The following PPRC1 variants were observed in gnomAD, a reference collection of about 807,000 sequenced individuals.
PPRC1 encodes the protein peroxisome proliferator-activated receptor gamma coactivator-related protein 1.
In PPRC1, 23 loss-of-function variants were observed where a neutral mutation model predicts 132.5. The observed-to-expected ratio is 0.17, with a 90% CI of 0.12 to 0.25. The LOEUF (loss-of-function observed/expected upper bound fraction) is 0.25, where lower values mean the gene tolerates loss of function less well. Among genes scored for constraint, PPRC1 ranks in the 10% least tolerant of loss-of-function variants. The pLI, the probability that PPRC1 is intolerant of heterozygous loss-of-function variation, is 1.00. For missense variants in PPRC1, 2,006 were observed against 2,089.1 expected, an observed-to-expected ratio of 0.96 and a Z score of 0.78; for synonymous variants, 872 against 833.5, an observed-to-expected ratio of 1.05 and a Z score of -0.80.
Position 102,141,192 on chromosome 10 carries a change from C to G in PPRC1, c.2684C>G (p.Pro895Arg). The change falls in exon 5 of 14, where the codon CCT (proline) becomes CGT (arginine). Residue 895 changes from proline to arginine, a missense_variant. Pro to Arg is a moderately radical substitution (Grantham distance 103). Coordinates refer to ENST00000278070, the MANE Select transcript of PPRC1 (RefSeq NM_015062.5). ...GGCATGCCCCCCAGTCTGCCCCCAC[C>G]TCCCTTGCAGCCTCCTAGTCTTCCA... is the stretch of plus-strand genomic sequence containing the variant. ...GLGMPPSLPP[P>R]PLQPPSLPLS... 3.1e-6 allele frequency: 5 copies of G among 1,614,098 alleles called. No individual in the cohort carries two copies. In the East Asian group the frequency reaches 1.1e-4, roughly 36 times the overall value.
Position 102,144,733 on chromosome 10 carries a change from T to C in PPRC1, c.3609-287T>C, listed in dbSNP as rs2069143380. 5 of 490,330 alleles carry C rather than the reference T, an allele frequency of 1.0e-5. No homozygotes were observed. In the South Asian group the frequency reaches 1.1e-4, roughly 11 times the overall value. The allele number at this position is 490,330 out of a possible 1,614,324, so 30.4% of individuals were successfully genotyped here. On this transcript the variant is annotated intron_variant, in intron 7 of 13. Transcript: ENST00000278070. The stretch of plus-strand genomic sequence containing the variant: ...TCTGCCAAGCATGTTCCCCTCCACA[T>C]TGATTTCAGGTTGGTGTGAGCTGGG...
Position 102,139,489 on chromosome 10 carries a change from G to A in PPRC1, c.981G>A (p.Glu327=), listed in dbSNP as rs570942937. ...ACCTCACCCACCTGGCATCACTTGA[G>A]GATGAGCTTCAGGAGCAGCCAGATG... ...LPNLTHLASL[E]DELQEQPDDL... The change falls in exon 5 of 14, where the codon GAG becomes GAA. Residue 327 remains glutamate (E), a synonymous_variant. Transcript: ENST00000278070. The A allele has an allele frequency of 1.2e-5, 20 of 1,614,092 alleles. No homozygotes were observed. Among genetic ancestry groups the A allele is most frequent in the South Asian group, 1.1e-4 (10 of 91,082 alleles).
the PPRC1 span, among the ~76,000 whole-genome samples, chr10:102,124,641 A>AT: frequency 0.24 from 28,490 of 116,992 alleles, 3,872 homozygotes; most frequent in South Asian, 0.37. Context: ...GTGCCTGGCC[A>AT]TTTTTTTTTT....
chr10:102,120,731 C>T, the PPRC1 span, among the ~76,000 whole-genome samples: 1 of 152,126 alleles, frequency 6.6e-6, no homozygotes, highest in Admixed American at 6.5e-5. Flanking sequence ...GGCTTGGAGG[C>T]GCAGCCGCGC....
intron 8 of PPRC1, 73 bp downstream of exon 8, chr10:102,145,163 A>G (rs1394730415): frequency 7.0e-7 from 1 of 1,419,844 alleles, no homozygotes; most frequent in Non-Finnish European, 9.9e-7. Flanking sequence ...CTCCAAATCC[A>G]TTGTGTGTAG....
chr10:102,121,186 G>GTTT, the PPRC1 span, among the ~76,000 whole-genome samples: 1 of 152,052 alleles, frequency 6.6e-6, no homozygotes, highest in Non-Finnish European at 1.5e-5. Context: ...ATTACGGAGG[G>GTTT]GCGATAGGAG....
At position 102,146,802 on chromosome 10, in the gene PPRC1, G is replaced by T; in HGVS notation, c.3810G>T (p.Glu1270Asp). ...EGTLKPEGVT[E>D]AKHPAAVRLQ... ...CCCTGAAGCCTGAAGGAGTTACGGA[G>T]GCCAAACATCCAGCTGCAGTTCGCC... The change falls in exon 9 of 14, where the codon GAG (glutamate) becomes GAT (aspartate). Residue 1270 changes from glutamate (E) to aspartate (D), a missense_variant. Around this residue, in one of 2 missense-constraint regions of PPRC1, gnomAD observed 1,914 missense variants for 1,917.2 expected, o/e 1.00. Coordinates refer to ENST00000278070, the MANE Select transcript of PPRC1 (RefSeq NM_015062.5). 6.2e-7 allele frequency: 1 copy of T among 1,614,082 alleles called. No homozygotes were observed. The highest frequency in any genetic ancestry group is 2.2e-5 in the East Asian group (1 of 44,858).
upstream of PPRC1, among the ~76,000 whole-genome samples, chr10:102,129,213 G>A (rs1333716599): frequency 6.6e-6 from 1 of 152,166 alleles, no homozygotes; most frequent in Non-Finnish European, 1.5e-5. Context: ...TTACAGGTGT[G>A]CACCACCATG....
chr10:102,133,494 C>T (rs2068601372), intron 1 of PPRC1, among the ~76,000 whole-genome samples: 1 of 152,068 alleles, frequency 6.6e-6, no homozygotes, highest in Non-Finnish European at 1.5e-5. Flanking sequence ...GACTTGGGGT[C>T]GAAGGCTGAG....
intron 6 of PPRC1, among the ~76,000 whole-genome samples, chr10:102,143,700 A>G (rs2069098661): frequency 6.6e-6 from 1 of 152,040 alleles, no homozygotes; most frequent in East Asian, 1.9e-4. Flanking sequence ...AAAGACAGGT[A>G]GGAATTCACA....
At chr10:102,125,448 CG>C in the PPRC1 span, among the ~76,000 whole-genome samples, 2 of 151,582 alleles carry the variant, frequency 1.3e-5, no homozygotes, top group African/African-American at 4.9e-5. Context: ...TTAGTAGAGA[CG>C]GGGTTTCACC....
chr10:102,121,242 C>G, the PPRC1 span, among the ~76,000 whole-genome samples: 1 of 152,112 alleles, frequency 6.6e-6, no homozygotes, highest in Non-Finnish European at 1.5e-5. Context: ...AAGACACTCT[C>G]TTCCCTTCCC....
At position 102,150,089 on chromosome 10, in the gene PPRC1, C is replaced by G. The variant is rs530019914; in HGVS notation, c.*60C>G. 1.7e-5 allele frequency: 22 copies of G among 1,269,998 alleles called. No individual in the cohort carries two copies. Among genetic ancestry groups the G allele is most frequent in the South Asian group, 1.3e-4 (11 of 83,710 alleles). 78.7% of individuals were successfully genotyped at this position (1,269,998 alleles called of 1,614,324 possible). A position where few individuals can be genotyped will look rare whatever the true frequency, so the allele number is the denominator to read the frequency against. On this transcript the variant is annotated 3_prime_UTR_variant, in exon 14 of 14. Coordinates refer to ENST00000278070, the MANE Select transcript of PPRC1 (RefSeq NM_015062.5). ...TGGAGGTGCCCAACCTCCTCCACCCCCTTCCCCTACTCTAGGGGAGAGAGC... is the reference window on the plus strand; with the variant it reads ...TGGAGGTGCCCAACCTCCTCCACCCGCTTCCCCTACTCTAGGGGAGAGAGC...
chr10:102,137,769 T>C, intron 1 of PPRC1, 81 bp from the exon 2 acceptor site: 2 of 1,381,852 alleles, frequency 1.4e-6, no homozygotes, highest in East Asian at 2.4e-5. Flanking sequence ...GCCCCAGCAG[T>C]GGAGGGTACC....
Position 102,133,203 on chromosome 10 carries a change from T to C in PPRC1, c.135T>C (p.Ala45=), listed in dbSNP as rs1384745367. The C allele has an allele frequency of 1.6e-6, 2 of 1,282,262 alleles. No individual in the cohort carries two copies. Among genetic ancestry groups the C allele is most frequent in the Non-Finnish European group, 2.0e-6 (2 of 1,007,854 alleles). The allele number at this position is 1,282,262 out of a possible 1,614,324, so 79.4% of individuals were successfully genotyped here. A position where few individuals can be genotyped will look rare whatever the true frequency, so the allele number is the denominator to read the frequency against. The change falls in exon 1 of 14, where the codon GCT becomes GCC. Residue 45 remains alanine (A), a synonymous_variant. Coordinates refer to ENST00000278070, the MANE Select transcript of PPRC1 (RefSeq NM_015062.5). ...RSQAPYGTLG[A]VSGGEQVLLH... Reference sequence around the variant, plus strand: ...AAGCGCCGTATGGGACTTTGGGCGCTGTGAGCGGCGGCGAGCAGGTGAGAG... The same window carrying C: ...AAGCGCCGTATGGGACTTTGGGCGCCGTGAGCGGCGGCGAGCAGGTGAGAG...
intron 1 of PPRC1, among the ~76,000 whole-genome samples, chr10:102,135,855 T>A (rs898372774): frequency 2.0e-5 from 3 of 152,174 alleles, no homozygotes; most frequent in African/African-American, 7.2e-5. Flanking sequence ...TTTTTGAAGT[T>A]AGAGGTGCTG....
the PPRC1 span, among the ~76,000 whole-genome samples, chr10:102,121,871 TG>T: frequency 2.6e-5 from 4 of 152,166 alleles, no homozygotes; most frequent in Non-Finnish European, 5.9e-5. Flanking sequence ...CTGGCTTGAC[TG>T]GCTGGGGGAG....
the PPRC1 span, among the ~76,000 whole-genome samples, chr10:102,122,187 C>G: frequency 9.9e-5 from 15 of 152,104 alleles, no homozygotes; most frequent in Non-Finnish European, 1.3e-4. Flanking sequence ...GAGTGCACCC[C>G]CTCCCTGCAT....
upstream of PPRC1, among the ~76,000 whole-genome samples, chr10:102,128,836 G>A (rs1003140731): frequency 1.3e-4 from 19 of 148,118 alleles, no homozygotes; most frequent in African/African-American, 4.0e-4. Flanking sequence ...GGATGGTCTC[G>A]ATCTCCTGAC....
Sources: allele counts gnomAD v4.1 joint callset (sites outside exome capture counted in the v4.1 genomes callset), GRCh38; gene constraint gnomAD v4.1.1; regional missense constraint gnomAD v4.1.1; transcripts MANE v1.5; gene names NCBI Gene and HGNC (gene_info 2026-07-23, HGNC 2026-07-21).